The following LINGO2 variants were observed in gnomAD, a reference collection of about 807,000 sequenced individuals.
LINGO2 encodes the protein leucine-rich repeat and immunoglobulin-like domain-containing nogo receptor-interacting protein 2.
Under a neutral mutation model 30.6 loss-of-function variants are expected in LINGO2, and 14 were observed. That is an observed-to-expected ratio of 0.46 (90% confidence interval 0.30 to 0.72). The LOEUF is 0.72. LINGO2 is among the 30% of genes least tolerant of loss of function. LINGO2 has a pLI of 0.07. For missense variants in LINGO2, 729 were observed against 751.7 expected (o/e 0.97, Z 0.35); for synonymous variants, 317 against 288.5 (o/e 1.10, Z -1.00).
chr9:28,054,237 C>T (rs1824812611), intron 4 of LINGO2, among the ~76,000 whole-genome samples: 1 of 152,030 alleles, frequency 6.6e-6, no homozygotes, highest in South Asian at 2.1e-4. Flanking sequence ...ATCCAAAGAC[C>T]TGGGAGCCCT....
the LINGO2 span, among the ~76,000 whole-genome samples, chr9:29,153,794 A>G: frequency 6.6e-6 from 1 of 152,208 alleles, no homozygotes; most frequent in Non-Finnish European, 1.5e-5. Flanking sequence ...TTTTTTATTC[A>G]TGCAAAAATA....
At chr9:29,184,200 G>A in the LINGO2 span, among the ~76,000 whole-genome samples, 3 of 151,916 alleles carry the variant, frequency 2.0e-5, no homozygotes, top group African/African-American at 4.8e-5. Context: ...AGTGAACCAC[G>A]TCCCTTTTAT....
At chr9:29,143,624 C>T in the LINGO2 span, among the ~76,000 whole-genome samples, 2 of 151,864 alleles carry the variant, frequency 1.3e-5, no homozygotes, top group Admixed American at 6.6e-5. Flanking sequence ...AGAATGAAAG[C>T]CTTTCCTAGA....
At chr9:27,985,846 G>T (rs1821098919) in intron 5 of LINGO2, among the ~76,000 whole-genome samples, 2 of 151,816 alleles carry the variant, frequency 1.3e-5, no homozygotes, top group Admixed American at 6.6e-5. Flanking sequence ...CCAGTGAGGT[G>T]AAAATTGCAA....
At chr9:28,511,060 C>T (rs562132342) in intron 1 of LINGO2, among the ~76,000 whole-genome samples, 2 of 151,968 alleles carry the variant, frequency 1.3e-5, no homozygotes, top group East Asian at 3.9e-4. Context: ...ATCTGCCTTC[C>T]CCAGCCCACC....
intron 2 of LINGO2, among the ~76,000 whole-genome samples, chr9:28,417,369 GATCACTT>G: frequency 6.6e-6 from 1 of 152,122 alleles, no homozygotes; most frequent in Non-Finnish European, 1.5e-5. Flanking sequence ...AATCAAAGCA[GATCACTT>G]TAACATATTT....
chr9:27,970,509 G>A (rs952477532), intron 5 of LINGO2, among the ~76,000 whole-genome samples: 4 of 151,562 alleles, frequency 2.6e-5, no homozygotes, highest in African/African-American at 9.8e-5. Flanking sequence ...CTTTTGGGGG[G>A]CATTGTCATG....
At chr9:29,020,381 A>G in the LINGO2 span, among the ~76,000 whole-genome samples, 2 of 152,216 alleles carry the variant, frequency 1.3e-5, no homozygotes, top group Admixed American at 6.5e-5. Flanking sequence ...ATCTCAATAC[A>G]TTTTACTTCA....
chr9:28,663,999 T>C (rs1295357976), intron 1 of LINGO2, among the ~76,000 whole-genome samples: 1 of 152,148 alleles, frequency 6.6e-6, no homozygotes, highest in African/African-American at 2.4e-5. Context: ...GGAACAAAAA[T>C]GTTATCTATA....
chr9:28,978,694 C>A, the LINGO2 span, among the ~76,000 whole-genome samples: 31 of 152,122 alleles, frequency 2.0e-4, no homozygotes, highest in African/African-American at 5.3e-4. Context: ...ATTTTTCTTT[C>A]TCCAAAGCTT....
chr9:28,489,764 G>C (rs1049277082), intron 1 of LINGO2, among the ~76,000 whole-genome samples: 1 of 151,636 alleles, frequency 6.6e-6, no homozygotes, highest in African/African-American at 2.4e-5. Context: ...TGGGGGTGGT[G>C]GTGCGTGCCT....
the LINGO2 span, among the ~76,000 whole-genome samples, chr9:28,885,360 T>TACACACACACACAC: frequency 2.1e-5 from 3 of 144,152 alleles, no homozygotes; most frequent in South Asian, 2.2e-4. Flanking sequence ...TATATATATA[T>TACACACACACACAC]ACACACACAC....
the LINGO2 span, among the ~76,000 whole-genome samples, chr9:29,189,220 C>T: frequency 6.9e-6 from 1 of 144,650 alleles, no homozygotes; most frequent in African/African-American, 2.6e-5. Flanking sequence ...TAGGGGCGGC[C>T]GGGCAGAGGA....
chr9:28,092,374 T>G (rs370492417), intron 4 of LINGO2, among the ~76,000 whole-genome samples: 1 of 151,744 alleles, frequency 6.6e-6, no homozygotes, highest in African/African-American at 2.4e-5. Context: ...CCATAAAAAA[T>G]GATGAGTTCA....
At chr9:28,028,827 C>T (rs893339601) in intron 4 of LINGO2, among the ~76,000 whole-genome samples, 1 of 152,052 alleles carries the variant, frequency 6.6e-6, no homozygotes, top group Non-Finnish European at 1.5e-5. Context: ...GGGCTGCCTA[C>T]ACTCATATAG....
chr9:28,003,772 A>G (rs7042324), intron 5 of LINGO2, among the ~76,000 whole-genome samples: 5,354 of 152,202 alleles, frequency 0.035, 295 homozygotes, highest in African/African-American at 0.12. Flanking sequence ...TTAATCCTTG[A>G]TTATACCAAT....
the LINGO2 span, among the ~76,000 whole-genome samples, chr9:28,920,536 T>C: frequency 6.6e-6 from 1 of 152,300 alleles, no homozygotes; most frequent in South Asian, 2.1e-4. Context: ...CCTTTCCTAG[T>C]TAATACTTTT....
At chr9:28,077,657 G>C (rs1234311742) in intron 4 of LINGO2, among the ~76,000 whole-genome samples, 1 of 136,822 alleles carries the variant, frequency 7.3e-6, no homozygotes, top group Admixed American at 6.9e-5. Context: ...TTGGGGAAGA[G>C]TAGTTTCATT....
intron 3 of LINGO2, among the ~76,000 whole-genome samples, chr9:28,358,930 G>GA (rs1254026483): frequency 6.6e-6 from 1 of 152,114 alleles, no homozygotes; most frequent in Admixed American, 6.6e-5. Context: ...TGCTAAGGGG[G>GA]AATCTGTGTT....
Sources: gnomAD v4.1 joint callset for allele counts (sites outside exome capture counted in the v4.1 genomes callset) on GRCh38, gnomAD v4.1.1 for gene constraint, MANE v1.5 for transcripts, NCBI Gene and HGNC (gene_info 2026-07-23, HGNC 2026-07-21) for gene names.